SMARCE1: variants seen among roughly 807,000 people sequenced by gnomAD.
SMARCE1 encodes the protein SWI/SNF-related matrix-associated actin-dependent regulator of chromatin subfamily E member 1.
SMARCE1 carries 13 observed loss-of-function variants against 54.9 expected under a neutral mutation model. The ratio of observed to expected loss-of-function variants is 0.24; its 90% CI spans 0.15 to 0.38. The LOEUF is 0.38. SMARCE1 is among the 10% of genes least tolerant of loss of function. The probability of loss-of-function intolerance (pLI) is 1.00; values close to 1 mark genes in which losing one functional copy is unlikely to be tolerated. For missense variants in SMARCE1, 295 were observed against 523.8 expected (o/e 0.56, Z 4.26); for synonymous variants, 151 against 175.3 (o/e 0.86, Z 1.10).
In SMARCE1 at chr17:40,628,678, A is replaced by T. The variant is rs2037058268; in HGVS notation, c.*107T>A. On this transcript the variant is annotated 3_prime_UTR_variant, in exon 11 of 11. Coordinates refer to ENST00000348513, the MANE Select transcript of SMARCE1 (RefSeq NM_003079.5). ...TGGTCCAAAAGCCTTTGGTGGTGTG[A>T]TATGGACAAGAAAAAAAATTAATAC... is the stretch of plus-strand genomic sequence containing the variant. 1 of 828,756 alleles carries T rather than the reference A, an allele frequency of 1.2e-6. No homozygotes were observed. The highest frequency in any genetic ancestry group is 2.5e-5 in the East Asian group (1 of 40,018). 51.3% of individuals were successfully genotyped at this position (828,756 alleles called of 1,614,324 possible).
chr17:40,636,709 T>C (rs909865549), intron 5 of SMARCE1, 183 bp from the exon 6 acceptor site: 10 of 530,380 alleles, frequency 1.9e-5, no homozygotes, highest in Non-Finnish European at 3.4e-5. Context: ...ATCTTTGCCC[T>C]ACTGGATTAC....
rs2037094894 is a variant in SMARCE1, at chr17:40,631,449, A to C, written c.816+143T>G. On this transcript the variant is annotated intron_variant, in intron 9 of 10. Transcript: ENST00000348513. ...AGAATGGGAACAATCTTATAAAAAA[A>C]GGATCCTACAGGTTTATAATAAAGT... 5 of 568,264 alleles carry C rather than the reference A, an allele frequency of 8.8e-6. No individual in the cohort carries two copies. In the East Asian group the frequency reaches 1.4e-4, roughly 16 times the overall value. The allele number at this position is 568,264 out of a possible 1,614,324, so 35.2% of individuals were successfully genotyped here.
At chr17:40,632,476 A>G in intron 7 of SMARCE1, 109 bp from the exon 8 acceptor site, 1 of 892,382 alleles carries the variant, frequency 1.1e-6, no homozygotes. Flanking sequence ...CTGGCCTAAC[A>G]AGTGGACCTG....
rs138272312 is a variant in SMARCE1 at position 40,625,506 on chromosome 17, A to G, written c.*3279T>C. On this transcript the variant is annotated 3_prime_UTR_variant, in exon 11 of 11. Transcript: ENST00000348513. Reference sequence around the variant, plus strand: ...ACCAGGTGGGGAGACCATGTGTGGTAGTGCTTGGGGGTGGAGGGAAACTAT... The same window carrying G: ...ACCAGGTGGGGAGACCATGTGTGGTGGTGCTTGGGGGTGGAGGGAAACTAT... 6.6e-6 allele frequency: 1 copy of G among 152,368 alleles called. No individual in the cohort carries two copies. The highest frequency in any genetic ancestry group is 2.4e-5 in the African/African-American group (1 of 41,586). 9.4% of individuals were successfully genotyped at this position (152,368 alleles called of 1,614,324 possible).
intron 3 of SMARCE1, chr17:40,644,139 G>T (rs1418003254): frequency 1.3e-5 from 2 of 151,664 alleles, no homozygotes; most frequent in Non-Finnish European, 2.9e-5. Flanking sequence ...ACTAAAGAAA[G>T]GCAAAAAAAA....
At chr17:40,629,279 A>T (rs2037067134) in intron 10 of SMARCE1, 6 of 400,576 alleles carry the variant, frequency 1.5e-5, no homozygotes, top group South Asian at 1.2e-4. Context: ...AAGACTGTTT[A>T]AAAAAAGGAA....
intron 1 of SMARCE1, chr17:40,647,476 G>A (rs1330338440): frequency 1.3e-5 from 2 of 152,534 alleles, no homozygotes; most frequent in Non-Finnish European, 2.9e-5. Context: ...GGCTTCCTGA[G>A]GTCGCTCTCT....
intron 10 of SMARCE1, chr17:40,630,060 T>C: frequency 2.1e-6 from 1 of 476,052 alleles, no homozygotes; most frequent in East Asian, 3.3e-5. Context: ...CCATAACTAC[T>C]TTTAGCTTAG....
intron 10 of SMARCE1, chr17:40,630,327 C>A (rs898684797): frequency 2.2e-6 from 2 of 900,082 alleles, no homozygotes; most frequent in Non-Finnish European, 3.6e-6. Flanking sequence ...ACTTCGCAGG[C>A]CAGGCAGTTG....
At chr17:40,634,311 C>T (rs1463735129) in intron 7 of SMARCE1, 2 of 152,274 alleles carry the variant, frequency 1.3e-5, no homozygotes, top group African/African-American at 4.8e-5. Context: ...TTTTAAGTAT[C>T]CTGTAGAGAT....
chr17:40,638,219 G>T (rs1334548899), intron 4 of SMARCE1, among the ~76,000 whole-genome samples: 1 of 152,266 alleles, frequency 6.6e-6, no homozygotes, highest in Middle Eastern at 3.4e-3. Context: ...GTTTTGTCCT[G>T]AGTCCTAATC....
rs1597740926 is a variant in SMARCE1, at chr17:40,628,216, T to C, written c.*569A>G. ...GTAACTACTCTAACTATGGGGACTATTTCTGGATCAGTAAGATCCAAGTGT... is the reference window on the plus strand; with the variant it reads ...GTAACTACTCTAACTATGGGGACTACTTCTGGATCAGTAAGATCCAAGTGT... On this transcript the variant is annotated 3_prime_UTR_variant, in exon 11 of 11. Coordinates refer to ENST00000348513, the MANE Select transcript of SMARCE1 (RefSeq NM_003079.5). The C allele has an allele frequency of 6.5e-6, 1 of 153,754 alleles. No homozygotes were observed. The highest frequency in any genetic ancestry group is 1.5e-5 in the Non-Finnish European group (1 of 68,958). The allele number at this position is 153,754 out of a possible 1,614,324, so 9.5% of individuals were successfully genotyped here.
Position 40,632,359 on chromosome 17 carries a change from C to T in SMARCE1, c.550G>A (p.Asp184Asn), listed in dbSNP as rs2037103493. Residue 184 changes from aspartate (D) to asparagine (N), a missense_variant, in exon 8 of 11, where the codon GAT becomes AAT. Physicochemically the swap from Asp to Asn is conservative, Grantham distance 23. This residue lies in a region of SMARCE1 where 101 missense variants were observed against 183.1 expected (regional missense o/e 0.55). Coordinates refer to ENST00000348513, the MANE Select transcript of SMARCE1 (RefSeq NM_003079.5). ...QPAEDPDDYD[D>N]GFSMKHTATA... The stretch of plus-strand genomic sequence containing the variant: ...GCTGTATGCTTCATTGAAAAGCCAT[C>T]ATCATAATCTGGAGTGAACAAATTG... The T allele has an allele frequency of 6.2e-7, 1 of 1,613,584 alleles. No individual in the cohort carries two copies. Among genetic ancestry groups the T allele is most frequent in the Non-Finnish European group, 8.5e-7 (1 of 1,179,758 alleles).
chr17:40,644,160 T>G (rs1421926997), intron 3 of SMARCE1: 1 of 152,228 alleles, frequency 6.6e-6, no homozygotes, highest in Non-Finnish European at 1.5e-5. Context: ...TTCCTTTTTA[T>G]GCATAATAAA....
At chr17:40,631,796 C>A (rs2037098112) in intron 8 of SMARCE1, 103 bp from the exon 9 acceptor site, 9 of 688,182 alleles carry the variant, frequency 1.3e-5, no homozygotes, top group South Asian at 1.2e-4. Flanking sequence ...TCATTTATCA[C>A]ATGAGTCTAG....
Position 40,626,405 on chromosome 17 carries a change from C to G in SMARCE1, c.*2380G>C, listed in dbSNP as rs376125084. ...ATCTATTTTATAATTAAAACAGGCT[C>G]GAGTTCAAGCTACTTGCCCAGCACC... is the stretch of plus-strand genomic sequence containing the variant. On this transcript the variant is annotated 3_prime_UTR_variant, in exon 11 of 11. Transcript: ENST00000348513. 1 of 152,112 alleles carries G rather than the reference C, an allele frequency of 6.6e-6. No individual in the cohort carries two copies. The highest frequency in any genetic ancestry group is 2.4e-5 in the African/African-American group (1 of 41,416). 9.4% of individuals were successfully genotyped at this position (152,112 alleles called of 1,614,324 possible). A position where few individuals can be genotyped will look rare whatever the true frequency, so the allele number is the denominator to read the frequency against.
chr17:40,629,423 T>G, intron 10 of SMARCE1: 1 of 676,026 alleles, frequency 1.5e-6, no homozygotes, highest in Non-Finnish European at 2.1e-6. Flanking sequence ...AATATAAAAT[T>G]TCACGTGACT....
chr17:40,631,012 T>A, intron 9 of SMARCE1, 88 bp from the exon 10 acceptor site: 1 of 938,772 alleles, frequency 1.1e-6, no homozygotes, highest in Non-Finnish European at 1.6e-6. Context: ...TTTTCTTGCC[T>A]ATAAACTATA....
intron 4 of SMARCE1, chr17:40,641,282 T>A (rs1389052614): frequency 2.0e-5 from 3 of 152,220 alleles, no homozygotes; most frequent in African/African-American, 7.2e-5. Context: ...GTATGCATTG[T>A]GAAATGCATA....
Sources: allele counts gnomAD v4.1 joint callset (sites outside exome capture counted in the v4.1 genomes callset), GRCh38; gene constraint gnomAD v4.1.1; regional missense constraint gnomAD v4.1.1; transcripts MANE v1.5; gene names NCBI Gene and HGNC (gene_info 2026-07-23, HGNC 2026-07-21).